Variants in RAP1GAP2 observed in about 807,000 individuals in gnomAD.
The protein encoded by RAP1GAP2 is RAP1 GTPase activating protein 2, also known as rap1 GTPase-activating protein 2.
In RAP1GAP2, 27 loss-of-function variants were observed where a neutral mutation model predicts 95.0. That is an observed-to-expected ratio of 0.28 (90% CI 0.21 to 0.39). The LOEUF is 0.39. Among genes scored for constraint, RAP1GAP2 ranks in the 10% least tolerant of loss-of-function variants. RAP1GAP2 has a pLI of 1.00. For missense variants in RAP1GAP2, 771 were observed against 970.0 expected (o/e 0.79, Z 2.72); for synonymous variants, 373 against 380.9 (o/e 0.98, Z 0.24).
intron 3 of RAP1GAP2, among the ~76,000 whole-genome samples, chr17:2,947,045 G>A (rs1597689467): frequency 1.3e-5 from 2 of 152,310 alleles, no homozygotes; most frequent in South Asian, 2.1e-4. Flanking sequence ...GTGAGCCACC[G>A]TGCCCGGCCG....
In RAP1GAP2 at chr17:2,889,889, A is replaced by ATATTTTTTTTTT. The variant is rs1408426152; in HGVS notation, c.81-15394_81-15393insATTTTTTTTTTT. On this transcript the variant is annotated intron_variant, in intron 2 of 24. Coordinates refer to ENST00000254695, the MANE Select transcript of RAP1GAP2 (RefSeq NM_015085.5). ...TATATATATATATATATATATATAT[A>ATATTTTTTTTTT]TTTTTTTTTTTTTTTGTAGAGATGG... Among the ~76,000 whole-genome samples the ATATTTTTTTTTT allele has an allele frequency of 1.5e-3, 87 of 57,274 alleles. 1 individual carries two copies. Among genetic ancestry groups the ATATTTTTTTTTT allele is most frequent in the East Asian group, 3.2e-3 (5 of 1,576 alleles). 37.6% of individuals were successfully genotyped at this position (57,274 alleles called of 152,430 possible).
At position 3,029,630 on chromosome 17, in the gene RAP1GAP2, TGTAGCCCTGG is replaced by T. The variant is rs2047229014; in HGVS notation, c.2108-1289_2108-1280del. On this transcript the variant is annotated intron_variant, in intron 22 of 24. Coordinates refer to ENST00000254695, the MANE Select transcript of RAP1GAP2 (RefSeq NM_015085.5). The surrounding 1 kb of genome is among the most constrained non-coding windows in gnomAD (Gnocchi z 4.4). ...GGACTGATAGGTTACACAGAGGTGT[TGTAGCCCTGG>T]GTGGAACTCCTCGATTCGAAGCACC... Among the ~76,000 whole-genome samples, 1 of 152,112 alleles carries T rather than the reference TGTAGCCCTGG, an allele frequency of 6.6e-6. No individual in the cohort carries two copies. The highest frequency in any genetic ancestry group is 1.5e-5 in the Non-Finnish European group (1 of 68,020).
intron 17 of RAP1GAP2, among the ~76,000 whole-genome samples, chr17:3,016,719 G>T (rs1339378842): frequency 6.9e-6 from 1 of 144,284 alleles, no homozygotes. Context: ...AGATCATTAC[G>T]ATGTGCTGGG....
chr17:2,808,916 C>T (rs114946602), intron 2 of RAP1GAP2, among the ~76,000 whole-genome samples: 3,137 of 152,180 alleles, frequency 0.021, 113 homozygotes, highest in African/African-American at 0.071. Context: ...TTGGCTTTAG[C>T]GAGTTCCTAT....
At chr17:2,785,564 G>T (rs1244166159) in intron 1 of RAP1GAP2, among the ~76,000 whole-genome samples, 4 of 152,136 alleles carry the variant, frequency 2.6e-5, no homozygotes, top group Non-Finnish European at 5.9e-5. Context: ...GAAACTTTTT[G>T]TTCTGTTAGC....
At chr17:2,967,052 A>G (rs1162872849) in intron 8 of RAP1GAP2, among the ~76,000 whole-genome samples, 2 of 152,156 alleles carry the variant, frequency 1.3e-5, no homozygotes, top group African/African-American at 2.4e-5. Context: ...TTGAGAGTTG[A>G]ACCCCAGATT....
At chr17:2,905,239 A>C in intron 2 of RAP1GAP2, 45 bp from the exon 3 acceptor site, 1 of 1,561,610 alleles carries the variant, frequency 6.4e-7, no homozygotes, top group Non-Finnish European at 8.8e-7. Context: ...GAGAGAAGGG[A>C]AGGCGCAGGC....
At chr17:2,897,538 T>G (rs1425256272) in intron 2 of RAP1GAP2, among the ~76,000 whole-genome samples, 1 of 151,826 alleles carries the variant, frequency 6.6e-6, no homozygotes, top group Non-Finnish European at 1.5e-5. Context: ...TTTTGTATTT[T>G]GAGTAGAGAT....
At chr17:2,916,261 C>T (rs1020168289) in intron 3 of RAP1GAP2, among the ~76,000 whole-genome samples, 2 of 152,248 alleles carry the variant, frequency 1.3e-5, no homozygotes, top group Admixed American at 6.5e-5. Flanking sequence ...ATGGAAAATA[C>T]GTGCCATCCG....
intron 7 of RAP1GAP2, 37 bp downstream of exon 7, chr17:2,964,105 G>A (rs1176265808): frequency 1.3e-6 from 2 of 1,548,250 alleles, no homozygotes; most frequent in South Asian, 1.2e-5. Flanking sequence ...GGGGTTGGGG[G>A]CAGAGGCTGG....
At chr17:2,847,220 A>G (rs1310070454) in intron 2 of RAP1GAP2, among the ~76,000 whole-genome samples, 1 of 151,944 alleles carries the variant, frequency 6.6e-6, no homozygotes, top group Non-Finnish European at 1.5e-5. Context: ...TGTTGGCCAG[A>G]CTGGTCTCGA....
intron 3 of RAP1GAP2, among the ~76,000 whole-genome samples, chr17:2,950,061 C>CTTCTTCTTTT (rs1555575129): frequency 2.7e-4 from 38 of 141,292 alleles, no homozygotes; most frequent in East Asian, 6.2e-4. Flanking sequence ...TCTTCTTCTT[C>CTTCTTCTTTT]TTTTTTTTTT....
chr17:2,920,881 C>T (rs977242200), intron 3 of RAP1GAP2, among the ~76,000 whole-genome samples: 4 of 152,180 alleles, frequency 2.6e-5, no homozygotes, highest in African/African-American at 7.2e-5. Context: ...CACCCCCATC[C>T]GCTACCCTCT....
chr17:2,850,004 T>TC (rs1347287841), intron 2 of RAP1GAP2, among the ~76,000 whole-genome samples: 1 of 147,986 alleles, frequency 6.8e-6, no homozygotes, highest in East Asian at 2.0e-4. Flanking sequence ...GCCTGCTTTT[T>TC]TTTTTTTTTT....
At chr17:2,998,457 A>G in intron 14 of RAP1GAP2, 81 bp downstream of exon 14, 1 of 1,434,294 alleles carries the variant, frequency 7.0e-7, no homozygotes, top group Non-Finnish European at 9.6e-7. Context: ...AGAGGACACT[A>G]GTCCTCAGCA....
At chr17:2,760,666 G>A (rs573294195) in intron 1 of RAP1GAP2, among the ~76,000 whole-genome samples, 7 of 151,020 alleles carry the variant, frequency 4.6e-5, no homozygotes, top group East Asian at 2.0e-4. Context: ...TTTTACTTAC[G>A]GTAAACTTTA....
At chr17:2,779,921 G>A (rs2068599873) in intron 1 of RAP1GAP2, among the ~76,000 whole-genome samples, 1 of 151,998 alleles carries the variant, frequency 6.6e-6, no homozygotes, top group Admixed American at 6.6e-5. Context: ...GTCTGGGGTG[G>A]TGGTAACCAA....
Position 2,905,293 on chromosome 17 carries a change from G to A in RAP1GAP2, c.90G>A (p.Glu30=). ...TTTGGCCTCTTCACAGGAAGCAGGA[G>A]CTGGCCAACAGCTCGGATGCGACCC... ...MLASLKVKKQ[E]LANSSDATLP... is the part of the protein sequence containing the mutation. The change falls in exon 3 of 25, where the codon GAG becomes GAA. Residue 30 remains glutamate, a synonymous_variant. Transcript: ENST00000254695. The A allele has an allele frequency of 6.2e-7, 1 of 1,613,792 alleles. No individual in the cohort carries two copies. Among genetic ancestry groups the A allele is most frequent in the Non-Finnish European group, 8.5e-7 (1 of 1,179,756 alleles).
intron 3 of RAP1GAP2, among the ~76,000 whole-genome samples, chr17:2,955,170 CAT>C (rs1270597141): frequency 3.9e-5 from 6 of 152,130 alleles, no homozygotes; most frequent in African/African-American, 1.4e-4. Context: ...GTTGTGTGGT[CAT>C]AATTCCGTGT....
Sources: allele counts gnomAD v4.1 joint callset (sites outside exome capture counted in the v4.1 genomes callset), GRCh38; gene constraint gnomAD v4.1.1; non-coding constraint Gnocchi (gnomAD v3.1); transcripts MANE v1.5; gene names NCBI Gene and HGNC (gene_info 2026-07-23, HGNC 2026-07-21).